CPLX2: variants seen among roughly 807,000 people sequenced by gnomAD.
The protein encoded by CPLX2 is complexin 2.
CPLX2 carries 5 observed loss-of-function variants against 16.3 expected under a neutral mutation model. The ratio of observed to expected loss-of-function variants is 0.31; its 90% CI spans 0.16 to 0.64. The LOEUF is 0.64. Ranked by LOEUF, CPLX2 falls within the 30% of genes least tolerant of loss-of-function variation. The pLI, the probability that CPLX2 is intolerant of heterozygous loss-of-function variation, is 0.79. For synonymous variants in CPLX2, 89 were observed against 73.2 expected, an observed-to-expected ratio of 1.22 and a Z score of -1.10; for missense variants, 144 against 181.4, an observed-to-expected ratio of 0.79 and a Z score of 1.18.
chr5:175,864,133 T>C (rs1312976493), intron 2 of CPLX2, among the ~76,000 whole-genome samples: 1 of 151,194 alleles, frequency 6.6e-6, no homozygotes, highest in African/African-American at 2.4e-5. Flanking sequence ...TTCCTAAGCA[T>C]TGTTTGATTA....
chr5:175,812,601 A>T (rs1758333206), intron 2 of CPLX2, among the ~76,000 whole-genome samples: 1 of 152,192 alleles, frequency 6.6e-6, no homozygotes, highest in South Asian at 2.1e-4. Flanking sequence ...TAGCCAGAAA[A>T]AATAAGATAG....
intron 2 of CPLX2, among the ~76,000 whole-genome samples, chr5:175,843,269 A>G (rs1758979089): frequency 6.6e-6 from 1 of 152,168 alleles, no homozygotes; most frequent in African/African-American, 2.4e-5. Flanking sequence ...CAAGCCTTTG[A>G]TGGGGCCTCA....
chr5:175,838,738 A>AGG (rs1043742816), intron 2 of CPLX2, among the ~76,000 whole-genome samples: 1 of 152,200 alleles, frequency 6.6e-6, no homozygotes, highest in African/African-American at 2.4e-5. Flanking sequence ...GCAGGGAATG[A>AGG]GGGGACCCAG....
At chr5:175,874,321 G>A (rs921776858) in intron 1 of CPLX2, among the ~76,000 whole-genome samples, 2 of 152,090 alleles carry the variant, frequency 1.3e-5, no homozygotes, top group African/African-American at 4.8e-5. Flanking sequence ...CTTCTCCCTG[G>A]AATTCTCCCT....
intron 2 of CPLX2, among the ~76,000 whole-genome samples, chr5:175,865,267 AT>A (rs1156701252): frequency 6.6e-6 from 1 of 152,126 alleles, no homozygotes; most frequent in African/African-American, 2.4e-5. Context: ...TTTTGAATTC[AT>A]TTTTATCAAC....
chr5:175,810,206 C>T (rs1429536334), intron 2 of CPLX2, among the ~76,000 whole-genome samples: 2 of 152,226 alleles, frequency 1.3e-5, no homozygotes, highest in African/African-American at 2.4e-5. Flanking sequence ...CATCCAGAGC[C>T]TTGCACCCTT....
chr5:175,841,341 A>G lies in CPLX2; in HGVS notation c.-89+32273A>G, dbSNP rs554848466. ...AGGGCAGTTTGTGCAAGCTCCCAGC[A>G]GGTGCACACACAGGCTTACGTGGGC... On this transcript the variant is annotated intron_variant, in intron 2 of 4. Coordinates refer to the CPLX2 transcript ENST00000359546. 2.0e-5 allele frequency among the ~76,000 whole-genome samples: 3 copies of G among 152,336 alleles called. No individual in the cohort carries two copies. In the East Asian group the frequency reaches 5.8e-4, roughly 29 times the overall value.
chr5:175,866,951 C>T (rs1379629188), upstream of CPLX2, among the ~76,000 whole-genome samples: 1 of 152,036 alleles, frequency 6.6e-6, no homozygotes, highest in African/African-American at 2.4e-5. Context: ...TGGTGGTGCA[C>T]CCCTGTAGTC....
intron 1 of CPLX2, among the ~76,000 whole-genome samples, chr5:175,797,692 C>G (rs959542895): frequency 1.3e-5 from 2 of 152,096 alleles, no homozygotes; most frequent in African/African-American, 2.4e-5. Context: ...GCTCCAGGCT[C>G]CCTCTCTCCC....
chr5:175,823,057 T>C lies in CPLX2; in HGVS notation c.-89+13989T>C, dbSNP rs73326391. Among the ~76,000 whole-genome samples, 387 of 152,398 alleles carry C rather than the reference T, an allele frequency of 2.5e-3. 1 individual carries two copies. The highest frequency in any genetic ancestry group is 8.8e-3 in the African/African-American group (366 of 41,600). On this transcript the variant is annotated intron_variant, in intron 2 of 4. Coordinates refer to the CPLX2 transcript ENST00000359546. ...GTCATCTCCTCAAAAAAAAGTCTTCTCTAATCCCTTAAGGATGTGTTGGGT... is the reference window on the plus strand; with the variant it reads ...GTCATCTCCTCAAAAAAAAGTCTTCCCTAATCCCTTAAGGATGTGTTGGGT...
At chr5:175,819,200 G>A (rs1198749720) in intron 2 of CPLX2, among the ~76,000 whole-genome samples, 1 of 152,134 alleles carries the variant, frequency 6.6e-6, no homozygotes, top group Non-Finnish European at 1.5e-5. Flanking sequence ...GCGCTGCCAT[G>A]AAGATTCTTG....
At chr5:175,844,835 G>A (rs1759012395) in intron 2 of CPLX2, among the ~76,000 whole-genome samples, 1 of 152,242 alleles carries the variant, frequency 6.6e-6, no homozygotes, top group Non-Finnish European at 1.5e-5. Context: ...TTGTGAGGAC[G>A]ACCAAACAGC....
intron 2 of CPLX2, among the ~76,000 whole-genome samples, chr5:175,815,441 G>A (rs138707958): frequency 6.6e-6 from 1 of 152,234 alleles, no homozygotes; most frequent in African/African-American, 2.4e-5. Flanking sequence ...GACAGCCGCT[G>A]CCCACTCCAG....
chr5:175,864,403 A>G (rs1305670202), intron 2 of CPLX2, among the ~76,000 whole-genome samples: 2 of 152,032 alleles, frequency 1.3e-5, no homozygotes, highest in Non-Finnish European at 2.9e-5. Flanking sequence ...CTCCAATTCC[A>G]TCTGGCTTGC....
intron 1 of CPLX2, among the ~76,000 whole-genome samples, chr5:175,803,120 A>G (rs1218423469): frequency 6.6e-6 from 1 of 152,150 alleles, no homozygotes; most frequent in Admixed American, 6.5e-5. Context: ...TGAGCCACCC[A>G]GAGTGCTCGG....
At chr5:175,799,539 CATATATATAT>C (rs70988299) in intron 1 of CPLX2, among the ~76,000 whole-genome samples, 1,315 of 72,252 alleles carry the variant, frequency 0.018, 25 homozygotes, top group Middle Eastern at 0.042. Flanking sequence ...TTGCAAATTT[CATATATATAT>C]ATATATATAT....
intron 2 of CPLX2, 42 bp from the exon 3 acceptor site, chr5:175,878,866 C>G (rs779065649): frequency 6.2e-7 from 1 of 1,609,116 alleles, no homozygotes; most frequent in Non-Finnish European, 8.5e-7. Context: ...AGCCCTGACC[C>G]CTAGCTGACC....
intron 2 of CPLX2, among the ~76,000 whole-genome samples, chr5:175,858,061 T>A (rs1353035175): frequency 6.6e-6 from 1 of 152,156 alleles, no homozygotes; most frequent in African/African-American, 2.4e-5. Flanking sequence ...AAACTTAGGC[T>A]CAGAGTGGAA....
Position 175,822,013 on chromosome 5 carries a change from G to A in CPLX2, c.-89+12945G>A, listed in dbSNP as rs145115569. ...TTGAAATACGATCATGCAATGAAAC[G>A]TGGGCTGACTCTGGGCCTCTCCTGT... On this transcript the variant is annotated intron_variant, in intron 2 of 4. Coordinates refer to the CPLX2 transcript ENST00000359546. 1.1e-3 allele frequency among the ~76,000 whole-genome samples: 161 copies of A among 152,296 alleles called. 1 individual carries two copies. The highest frequency in any genetic ancestry group is 1.3e-3 in the Non-Finnish European group (86 of 68,030).
Sources: allele counts gnomAD v4.1 joint callset (sites outside exome capture counted in the v4.1 genomes callset), GRCh38; gene constraint gnomAD v4.1.1; transcripts MANE v1.5; gene names NCBI Gene and HGNC (gene_info 2026-07-23, HGNC 2026-07-21).